SLIT3: variants seen among roughly 807,000 people sequenced by gnomAD.
SLIT3 encodes slit homolog 3 protein.
A neutral mutation model predicts 184.0 loss-of-function variants in SLIT3; 68 were observed. The observed-to-expected ratio is 0.37, with a 90% CI of 0.30 to 0.45. SLIT3 has a LOEUF of 0.45. SLIT3 is among the 20% of genes least tolerant of loss of function. The pLI is 1.00. For synonymous variants in SLIT3, 831 were observed against 828.6 expected, an observed-to-expected ratio of 1.00 and a Z score of -0.05; for missense variants, 1,707 against 2,026.0, an observed-to-expected ratio of 0.84 and a Z score of 3.02.
At chr5:169,020,795 C>T (rs532815696) in intron 4 of SLIT3, among the ~76,000 whole-genome samples, 2 of 152,166 alleles carry the variant, frequency 1.3e-5, no homozygotes, top group South Asian at 2.1e-4. Context: ...GGACAGTGGT[C>T]GCGGAAACTA....
rs1194254757 is a variant in SLIT3, at chr5:169,083,275, G to T, written c.413+110204C>A. 2.0e-5 allele frequency among the ~76,000 whole-genome samples: 3 copies of T among 152,226 alleles called. No homozygotes were observed. The East Asian group carries it at 5.8e-4, about 30-fold the overall frequency. ...GCGAATATACACACATGGGCAGAAG[G>T]ATATCTACTTATTCCCTCAAGAGAG... On this transcript the variant is annotated intron_variant, in intron 4 of 35. Coordinates refer to ENST00000519560, the MANE Select transcript of SLIT3 (RefSeq NM_003062.4).
chr5:169,131,508 C>G (rs1320741760), intron 4 of SLIT3, among the ~76,000 whole-genome samples: 1 of 152,164 alleles, frequency 6.6e-6, no homozygotes, highest in African/African-American at 2.4e-5. Context: ...CCACTGAGCC[C>G]TAAGTCCCTT....
chr5:168,846,058 T>C (rs1358591567), intron 5 of SLIT3, among the ~76,000 whole-genome samples: 3 of 152,216 alleles, frequency 2.0e-5, no homozygotes, highest in Non-Finnish European at 2.9e-5. Flanking sequence ...AAAATTAAAA[T>C]ACTATTATCT....
chr5:169,289,195 C>T (rs980371342), intron 1 of SLIT3, among the ~76,000 whole-genome samples: 35 of 152,180 alleles, frequency 2.3e-4, no homozygotes, highest in African/African-American at 8.4e-4. Flanking sequence ...CTAGGTCTTT[C>T]TACTCATTTC....
chr5:169,264,254 T>C (rs1766313838), intron 1 of SLIT3, among the ~76,000 whole-genome samples: 1 of 152,098 alleles, frequency 6.6e-6, no homozygotes, highest in African/African-American at 2.4e-5. Context: ...AGTGTAGTGG[T>C]GCAATCTCGG....
At chr5:168,672,781 A>C (rs1004524150) in intron 33 of SLIT3, among the ~76,000 whole-genome samples, 1 of 152,052 alleles carries the variant, frequency 6.6e-6, no homozygotes, top group Non-Finnish European at 1.5e-5. Flanking sequence ...GCCTACTTCC[A>C]TTTTTGGCCT....
rs192759132 is a variant in SLIT3 at position 169,181,339 on chromosome 5, G to A, written c.413+12140C>T. 5.5e-3 allele frequency among the ~76,000 whole-genome samples: 834 copies of A among 152,298 alleles called. 5 individuals are homozygous for A. The highest frequency in any genetic ancestry group is 0.014 in the Middle Eastern group (4 of 294). ...GTGCCTGTGCTTTTAACAAAAAGGA[G>A]TCAGAGTGGGAGACAGATATAGGAA... On this transcript the variant is annotated intron_variant, in intron 4 of 35. Coordinates refer to ENST00000519560, the MANE Select transcript of SLIT3 (RefSeq NM_003062.4).
chr5:168,716,895 C>A (rs1373481771), intron 23 of SLIT3, among the ~76,000 whole-genome samples: 1 of 149,456 alleles, frequency 6.7e-6, no homozygotes, highest in Non-Finnish European at 1.5e-5. Context: ...TGAGTCCCAG[C>A]CTTGGTTCTG....
At position 169,206,849 on chromosome 5, in the gene SLIT3, G is replaced by C. The variant is rs575213688; in HGVS notation, c.342-13299C>G. On this transcript the variant is annotated intron_variant, in intron 3 of 35. Transcript: ENST00000519560. ...ACCAATTCTCATCTATAACTAATTA[G>C]AATTTTTATTTTCTCATAGCATTTC... Among the ~76,000 whole-genome samples the C allele has an allele frequency of 3.3e-5, 5 of 152,170 alleles. No homozygotes were observed. In the East Asian group the frequency reaches 9.7e-4, roughly 29 times the overall value.
At chr5:169,018,424 A>G (rs982672441) in intron 4 of SLIT3, 21 of 152,196 alleles carry the variant, frequency 1.4e-4, no homozygotes, top group African/African-American at 4.6e-4. Flanking sequence ...CAGAGTATCA[A>G]CCTGAGCCCA....
chr5:168,964,823 G>A (rs1375779803), intron 4 of SLIT3, among the ~76,000 whole-genome samples: 2 of 152,208 alleles, frequency 1.3e-5, no homozygotes, highest in African/African-American at 4.8e-5. Context: ...TGCCTGCTCT[G>A]TATCATCTGC....
chr5:169,193,417 T>G, intron 4 of SLIT3, 62 bp downstream of exon 4: 1 of 1,399,942 alleles, frequency 7.1e-7, no homozygotes, highest in Non-Finnish European at 1.0e-6. Context: ...ACAAACCACA[T>G]CCTCCACATC....
chr5:168,767,508 A>G (rs904970583), intron 14 of SLIT3, among the ~76,000 whole-genome samples: 3 of 152,100 alleles, frequency 2.0e-5, no homozygotes, highest in Non-Finnish European at 2.9e-5. Flanking sequence ...GGAGCCCAGC[A>G]CCTCCACGTT....
intron 31 of SLIT3, among the ~76,000 whole-genome samples, chr5:168,685,347 G>T (rs1279854050): frequency 6.6e-6 from 1 of 152,238 alleles, no homozygotes; most frequent in Non-Finnish European, 1.5e-5. Context: ...CACCCAGAAT[G>T]AGATTCTTGG....
At chr5:168,996,933 TC>T (rs1755532964) in intron 4 of SLIT3, among the ~76,000 whole-genome samples, 1 of 152,114 alleles carries the variant, frequency 6.6e-6, no homozygotes, top group East Asian at 1.9e-4. Flanking sequence ...CTATTTACAT[TC>T]AGGATCCTTT....
intron 1 of SLIT3, among the ~76,000 whole-genome samples, chr5:169,257,610 G>A (rs370864285): frequency 1.2e-4 from 15 of 120,116 alleles, no homozygotes; most frequent in East Asian, 5.3e-4. Context: ...GCAGTGGCAC[G>A]ATCTTGGCTC....
intron 1 of SLIT3, among the ~76,000 whole-genome samples, chr5:169,287,214 C>T (rs1440342634): frequency 6.6e-6 from 1 of 152,192 alleles, no homozygotes; most frequent in Non-Finnish European, 1.5e-5. Context: ...TGCTCCAGTC[C>T]TGGTTCCCAG....
intron 3 of SLIT3, among the ~76,000 whole-genome samples, chr5:169,223,852 G>A (rs1193547880): frequency 2.0e-5 from 3 of 151,996 alleles, no homozygotes; most frequent in African/African-American, 4.8e-5. Flanking sequence ...TCTGTCTTCC[G>A]GACCATCTGC....
intron 1 of SLIT3, among the ~76,000 whole-genome samples, chr5:169,257,929 T>C (rs1343009385): frequency 6.6e-6 from 1 of 152,164 alleles, no homozygotes; most frequent in Non-Finnish European, 1.5e-5. Flanking sequence ...ATTAAAATGC[T>C]GTAGATCAGC....
Sources: gnomAD v4.1 joint callset for allele counts (sites outside exome capture counted in the v4.1 genomes callset) on GRCh38, gnomAD v4.1.1 for gene constraint, MANE v1.5 for transcripts, NCBI Gene and HGNC (gene_info 2026-07-23, HGNC 2026-07-21) for gene names.